The following TANC1 variants were observed in gnomAD, a reference collection of about 807,000 sequenced individuals.
TANC1 encodes the protein tetratricopeptide repeat, ankyrin repeat and coiled-coil containing 1.
In TANC1, 77 loss-of-function variants were observed where a neutral mutation model predicts 149.7. That is an observed-to-expected ratio of 0.51 (90% confidence interval 0.43 to 0.62). The LOEUF (loss-of-function observed/expected upper bound fraction) is 0.62, where lower values mean the gene tolerates loss of function less well. Among genes scored for constraint, TANC1 ranks in the 20% least tolerant of loss-of-function variants. The pLI is 0.00. For synonymous variants in TANC1, 854 were observed against 925.0 expected, an observed-to-expected ratio of 0.92 and a Z score of 1.39; for missense variants, 1,985 against 2,321.8, an observed-to-expected ratio of 0.85 and a Z score of 2.98.
At chr2:159,015,053 G>C (rs62174272) in intron 2 of TANC1, among the ~76,000 whole-genome samples, 11,024 of 152,246 alleles carry the variant, frequency 0.072, 611 homozygotes, top group East Asian at 0.16. Context: ...CCCCCTTAGG[G>C]ACTTTGTGTG....
At chr2:158,996,230 T>C (rs547107862) in intron 1 of TANC1, among the ~76,000 whole-genome samples, 1 of 152,226 alleles carries the variant, frequency 6.6e-6, no homozygotes, top group African/African-American at 2.4e-5. Context: ...TGTGGTGGCA[T>C]GTGCCTGTAG....
intron 19 of TANC1, among the ~76,000 whole-genome samples, chr2:159,210,768 A>G (rs953752802): frequency 1.3e-5 from 2 of 152,108 alleles, no homozygotes; most frequent in African/African-American, 4.8e-5. Context: ...GGGTTTCACC[A>G]TGTTGGCCAG....
intron 3 of TANC1, among the ~76,000 whole-genome samples, chr2:159,093,802 C>T (rs1330678353): frequency 6.6e-6 from 1 of 151,594 alleles, no homozygotes; most frequent in Non-Finnish European, 1.5e-5. Context: ...AGTGCTGGAG[C>T]CCAGCTGCTC....
rs917321735 is a variant in TANC1, at chr2:159,001,270, G to T, written c.-16+81G>T. On this transcript the variant is annotated intron_variant, in intron 2 of 26. Transcript: ENST00000263635. The surrounding 1 kb of genome is among the most constrained non-coding windows in gnomAD (Gnocchi z 4.3). ...AAAGAGGGATGAATCTTTACATGAG[G>T]TTAGAAGAGAGATGGCCTGTAGAAC... 1 of 152,246 alleles carries T rather than the reference G, an allele frequency of 6.6e-6. No homozygotes were observed. The highest frequency in any genetic ancestry group is 6.5e-5 in the Admixed American group (1 of 15,278). 9.4% of individuals were successfully genotyped at this position (152,246 alleles called of 1,614,324 possible).
At chr2:159,074,252 T>C (rs2043429720) in intron 3 of TANC1, among the ~76,000 whole-genome samples, 1 of 152,210 alleles carries the variant, frequency 6.6e-6, no homozygotes. Flanking sequence ...CTGGTTTTAA[T>C]TCTTCACACT....
At chr2:159,197,347 C>A (rs1347916751) in intron 18 of TANC1, among the ~76,000 whole-genome samples, 1 of 152,200 alleles carries the variant, frequency 6.6e-6, no homozygotes, top group Non-Finnish European at 1.5e-5. Context: ...ATTTAATTGT[C>A]ACCTCCTGAC....
chr2:159,053,293 GA>G lies in TANC1; in HGVS notation c.-15-12596del, dbSNP rs1362085041. 4.0e-5 allele frequency among the ~76,000 whole-genome samples: 6 copies of G among 151,614 alleles called. No individual in the cohort carries two copies. The East Asian group carries it at 1.2e-3, about 29-fold the overall frequency. On this transcript the variant is annotated intron_variant, in intron 2 of 26. Transcript: ENST00000263635. ...GAGCTTAAGGGAAAAAAAAAAAAGA[GA>G]AAAAAATAAAGCTATTGTCCTTGCC... is the stretch of plus-strand genomic sequence containing the variant.
At chr2:159,094,539 G>A (rs1182606370) in intron 3 of TANC1, among the ~76,000 whole-genome samples, 6 of 152,156 alleles carry the variant, frequency 3.9e-5, no homozygotes, top group Non-Finnish European at 7.3e-5. Context: ...TCCACTGCGC[G>A]CTGGCATCAT....
chr2:159,199,265 C>G (rs915935222), intron 19 of TANC1, among the ~76,000 whole-genome samples: 3 of 152,190 alleles, frequency 2.0e-5, no homozygotes, highest in African/African-American at 7.2e-5. Context: ...ATCCTATTAA[C>G]TGATTATTTT....
At chr2:159,155,079 A>G (rs557257141) in intron 7 of TANC1, among the ~76,000 whole-genome samples, 80 of 152,372 alleles carry the variant, frequency 5.3e-4, no homozygotes, top group South Asian at 1.0e-3. Context: ...GTGAAAACCA[A>G]TCTGATTTTC....
chr2:159,219,592 C>A, intron 21 of TANC1, 100 bp from the exon 22 acceptor site: 1 of 1,459,952 alleles, frequency 6.8e-7, no homozygotes. Flanking sequence ...GCTTGACTGA[C>A]ACTTGGTTCA....
At chr2:159,173,374 G>A (rs62171127) in intron 11 of TANC1, among the ~76,000 whole-genome samples, 4,406 of 152,266 alleles carry the variant, frequency 0.029, 85 homozygotes, top group Non-Finnish European at 0.046. Context: ...AGGCCGAGGC[G>A]TACAGATCAC....
intron 5 of TANC1, among the ~76,000 whole-genome samples, chr2:159,143,997 C>T (rs1192850992): frequency 6.6e-6 from 1 of 150,974 alleles, no homozygotes; most frequent in East Asian, 1.9e-4. Flanking sequence ...TGTCAATAGA[C>T]ATAACCCTCC....
At chr2:159,052,466 G>A (rs1378331147) in intron 2 of TANC1, among the ~76,000 whole-genome samples, 1 of 152,162 alleles carries the variant, frequency 6.6e-6, no homozygotes, top group Non-Finnish European at 1.5e-5. Flanking sequence ...TGAATTTTAT[G>A]GGATGATGCG....
chr2:159,042,031 T>C (rs2040684675), intron 2 of TANC1, among the ~76,000 whole-genome samples: 1 of 152,194 alleles, frequency 6.6e-6, no homozygotes, highest in African/African-American at 2.4e-5. Context: ...TCAAATGAGA[T>C]CTCAGCTGAC....
chr2:159,157,985 A>C lies in TANC1; in HGVS notation c.683-5298A>C, dbSNP rs1218990855. On this transcript the variant is annotated intron_variant, in intron 7 of 26. Coordinates refer to ENST00000263635, the MANE Select transcript of TANC1 (RefSeq NM_033394.3). ...CAAAATGCGTATTTTCTATTATAAT[A>C]GTATATGTACATAATTTATAGTACA... Among the ~76,000 whole-genome samples the C allele has an allele frequency of 2.6e-5, 4 of 152,274 alleles. No homozygotes were observed. The East Asian group carries it at 7.7e-4, about 29-fold the overall frequency.
chr2:159,201,195 T>C (rs1029439371), intron 19 of TANC1, among the ~76,000 whole-genome samples: 1 of 152,202 alleles, frequency 6.6e-6, no homozygotes, highest in African/African-American at 2.4e-5. Flanking sequence ...CAAGCCTTCC[T>C]ACTTTCCAGG....
chr2:159,165,501 G>C (rs1389287967), intron 8 of TANC1, among the ~76,000 whole-genome samples: 1 of 152,188 alleles, frequency 6.6e-6, no homozygotes, highest in Non-Finnish European at 1.5e-5. Flanking sequence ...CTAGGAGTCT[G>C]GTAGATTCTT....
At chr2:159,031,571 C>A (rs2039784284) in intron 2 of TANC1, among the ~76,000 whole-genome samples, 1 of 152,150 alleles carries the variant, frequency 6.6e-6, no homozygotes, top group Non-Finnish European at 1.5e-5. Context: ...TAAATTATAA[C>A]CCTATATTAC....
Sources: gnomAD v4.1 joint callset for allele counts (sites outside exome capture counted in the v4.1 genomes callset) on GRCh38, gnomAD v4.1.1 for gene constraint, Gnocchi (gnomAD v3.1) non-coding constraint, MANE v1.5 for transcripts, NCBI Gene and HGNC (gene_info 2026-07-23, HGNC 2026-07-21) for gene names.